The following RAB27A variants were observed in gnomAD, a reference collection of about 807,000 sequenced individuals.
The protein encoded by RAB27A is RAB27A, member RAS oncogene family, also known as ras-related protein Rab-27A.
RAB27A carries 17 observed loss-of-function variants against 20.8 expected under a neutral mutation model. That is an observed-to-expected ratio of 0.82 (90% CI 0.56 to 1.23). The LOEUF (loss-of-function observed/expected upper bound fraction) is 1.23, where lower values mean the gene tolerates loss of function less well. Among genes scored for constraint, RAB27A ranks in the 50% most tolerant of loss-of-function variants. The pLI, the probability that RAB27A is intolerant of heterozygous loss-of-function variation, is 0.00. For synonymous variants in RAB27A, 85 were observed against 92.8 expected (o/e 0.92, Z 0.48); for missense variants, 277 against 266.7 (o/e 1.04, Z -0.27).
intron 2 of RAB27A, among the ~76,000 whole-genome samples, chr15:55,303,771 C>A (rs1595755953): frequency 7.7e-6 from 1 of 130,580 alleles, no homozygotes; most frequent in African/African-American, 3.1e-5. Context: ...GCCAGCCGCC[C>A]CGTCCGGGAG....
At chr15:55,287,216 G>A (rs777708152) in intron 1 of RAB27A, among the ~76,000 whole-genome samples, 6 of 151,618 alleles carry the variant, frequency 4.0e-5, no homozygotes, top group South Asian at 2.1e-4. Context: ...CACCGCACCC[G>A]GCCTGCTGAG....
upstream of RAB27A, among the ~76,000 whole-genome samples, chr15:55,290,810 CCT>C (rs1898288532): frequency 6.6e-6 from 1 of 152,222 alleles, no homozygotes; most frequent in African/African-American, 2.4e-5. Context: ...AGGCAAAGGC[CCT>C]TTGAACCAAA....
chr15:55,286,051 A>C (rs1898143585), intron 1 of RAB27A, among the ~76,000 whole-genome samples: 1 of 152,186 alleles, frequency 6.6e-6, no homozygotes, highest in Non-Finnish European at 1.5e-5. Context: ...GTATCTATAG[A>C]CATTGCTTCT....
At position 55,310,861 on chromosome 15, in the gene RAB27A, T is replaced by A. The variant is rs527904373; in HGVS notation, c.-112+3178A>T. On this transcript the variant is annotated intron_variant, in intron 2 of 5. Transcript: ENST00000563262. ...TCAATATAATCAGGTGACAGAGAGG[T>A]ATGCTTCCTCAATGCCTCCCTTAGT... is the stretch of plus-strand genomic sequence containing the variant. Among the ~76,000 whole-genome samples the A allele has an allele frequency of 9.0e-4, 137 of 152,228 alleles. 1 individual carries two copies. Among genetic ancestry groups the A allele is most frequent in the Non-Finnish European group, 1.7e-3 (113 of 68,004 alleles).
chr15:55,311,020 A>T (rs2055018070), intron 2 of RAB27A, among the ~76,000 whole-genome samples: 1 of 152,102 alleles, frequency 6.6e-6, no homozygotes, highest in African/African-American at 2.4e-5. Context: ...TGCGGCACCA[A>T]TCTCCATATC....
At chr15:55,260,868 A>T (rs1208484864) in intron 2 of RAB27A, among the ~76,000 whole-genome samples, 3 of 152,218 alleles carry the variant, frequency 2.0e-5, no homozygotes, top group Admixed American at 1.3e-4. Context: ...GTCATTATAC[A>T]TTTGTATACA....
intron 1 of RAB27A, among the ~76,000 whole-genome samples, chr15:55,281,875 A>C (rs1385992425): frequency 6.6e-6 from 1 of 152,180 alleles, no homozygotes; most frequent in East Asian, 1.9e-4. Flanking sequence ...AAGCAGAAGG[A>C]TATGAATTGA....
At chr15:55,210,044 G>A (rs375443882) in intron 6 of RAB27A, among the ~76,000 whole-genome samples, 5 of 135,358 alleles carry the variant, frequency 3.7e-5, no homozygotes, top group African/African-American at 1.1e-4. Context: ...GTGTGTACAT[G>A]TACATATATA....
intron 2 of RAB27A, among the ~76,000 whole-genome samples, chr15:55,251,800 CT>C (rs1595717163): frequency 6.6e-6 from 1 of 152,132 alleles, no homozygotes; most frequent in East Asian, 1.9e-4. Context: ...CATTTTCTTT[CT>C]ATGAATTCAG....
intron 2 of RAB27A, among the ~76,000 whole-genome samples, chr15:55,265,638 A>C (rs207475515): frequency 7.4e-6 from 1 of 135,116 alleles, no homozygotes; most frequent in African/African-American, 2.6e-5. Context: ...GCTCAAAATT[A>C]AAAAAAAAAA....
Position 55,211,836 on chromosome 15 carries a change from G to C in RAB27A, c.468-6131C>G, listed in dbSNP as rs1895040161. Among the ~76,000 whole-genome samples, 3 of 151,912 alleles carry C rather than the reference G, an allele frequency of 2.0e-5. No individual in the cohort carries two copies. In the South Asian group the frequency reaches 6.2e-4, roughly 31 times the overall value. On this transcript the variant is annotated intron_variant, in intron 6 of 6. Transcript: ENST00000336787. ...TGTCTTGTAAAACAAAATAGGAAATGTCTTCTCAGTGTTTAGTTCAAAGAA... is the reference window on the plus strand; with the variant it reads ...TGTCTTGTAAAACAAAATAGGAAATCTCTTCTCAGTGTTTAGTTCAAAGAA...
chr15:55,238,323 A>G (rs1360764014), intron 2 of RAB27A: 4 of 152,038 alleles, frequency 2.6e-5, no homozygotes, highest in African/African-American at 9.7e-5. Flanking sequence ...TCCATTATTC[A>G]TTTTTGTTAT....
At chr15:55,205,916 T>C (rs1894626694) in intron 6 of RAB27A, among the ~76,000 whole-genome samples, 3 of 152,138 alleles carry the variant, frequency 2.0e-5, no homozygotes, top group Non-Finnish European at 4.4e-5. Flanking sequence ...TTTTAGACTC[T>C]TCAAAATATC....
intron 3 of RAB27A, among the ~76,000 whole-genome samples, chr15:55,231,491 C>A (rs1003651420): frequency 1.3e-5 from 2 of 152,140 alleles, no homozygotes; most frequent in Non-Finnish European, 2.9e-5. Context: ...AGACTTGCAA[C>A]ATTCCAAGGA....
At chr15:55,308,171 G>A (rs1365945303) in intron 2 of RAB27A, among the ~76,000 whole-genome samples, 3 of 152,050 alleles carry the variant, frequency 2.0e-5, no homozygotes, top group Non-Finnish European at 2.9e-5. Context: ...TCCTCTTGGC[G>A]GTTCCCTTCT....
chr15:55,309,451 A>C (rs894552276), intron 2 of RAB27A, among the ~76,000 whole-genome samples: 26 of 152,208 alleles, frequency 1.7e-4, no homozygotes, highest in Admixed American at 1.2e-3. Flanking sequence ...GGGCAGCTAA[A>C]AGTAAATCAT....
chr15:55,297,252 T>C (rs972563353), intron 2 of RAB27A, among the ~76,000 whole-genome samples: 3 of 152,218 alleles, frequency 2.0e-5, no homozygotes, highest in Admixed American at 6.5e-5. Flanking sequence ...AAATGTCTAG[T>C]AAGAAATTGT....
rs561829256 is a variant in RAB27A, at chr15:55,302,487, G to A, written c.-112+11552C>T. ...AGTGCCGAGATGGCAGCCTCTGCCCGGCCGCCACCCCGTCTGGGAAGTGAG... is the reference window on the plus strand; with the variant it reads ...AGTGCCGAGATGGCAGCCTCTGCCCAGCCGCCACCCCGTCTGGGAAGTGAG... On this transcript the variant is annotated intron_variant, in intron 2 of 5. Coordinates refer to the RAB27A transcript ENST00000563262. Among the ~76,000 whole-genome samples the A allele has an allele frequency of 5.9e-3, 902 of 152,022 alleles. 6 individuals carry two copies. Among genetic ancestry groups the A allele is most frequent in the African/African-American group, 0.01 (424 of 41,442 alleles).
chr15:55,216,051 A>T (rs1895287629), intron 6 of RAB27A, among the ~76,000 whole-genome samples: 1 of 151,926 alleles, frequency 6.6e-6, no homozygotes, highest in Admixed American at 6.6e-5. Flanking sequence ...ACAAAAGTTT[A>T]ACCTCTGTGC....
Sources: gnomAD v4.1 joint callset for allele counts (sites outside exome capture counted in the v4.1 genomes callset) on GRCh38, gnomAD v4.1.1 for gene constraint, MANE v1.5 for transcripts, NCBI Gene and HGNC (gene_info 2026-07-23, HGNC 2026-07-21) for gene names.